The following SEC61A2 variants were observed in gnomAD, a reference collection of about 807,000 sequenced individuals.
SEC61A2 encodes the protein SEC61 translocon subunit alpha 2.
SEC61A2 carries 28 observed loss-of-function variants against 59.9 expected under a neutral mutation model. The observed-to-expected ratio is 0.47, with a 90% CI of 0.35 to 0.64. The LOEUF is 0.64. Ranked by LOEUF, SEC61A2 falls within the 30% of genes least tolerant of loss-of-function variation. The probability of loss-of-function intolerance (pLI) is 0.01; values close to 1 mark genes in which losing one functional copy is unlikely to be tolerated. For synonymous variants in SEC61A2, 202 were observed against 214.4 expected (o/e 0.94, Z 0.50); for missense variants, 340 against 585.9 (o/e 0.58, Z 4.33).
In SEC61A2 at chr10:12,133,245, AT is replaced by A; in HGVS notation, c.17del (p.Leu6Ter). On this transcript the variant is annotated frameshift_variant, in exon 2 of 12. Transcript: ENST00000298428. LOFTEE classifies it high-confidence loss of function. MGIKFLEVIKPFCAV... is the reference protein window; with the variant it reads MGIKXLEVIKPFCAV... ...TTATTATTTTTCTTTTTACAGTCAA[AT>A]TTTTAGAAGTTATCAAACCATTCTG... is the stretch of plus-strand genomic sequence containing the variant. 2 of 1,488,954 alleles carry A rather than the reference AT, an allele frequency of 1.3e-6. No homozygotes were observed. The highest frequency in any genetic ancestry group is 1.9e-6 in the Non-Finnish European group (2 of 1,077,244). 92.2% of individuals were successfully genotyped at this position (1,488,954 alleles called of 1,614,324 possible).
chr10:12,155,503 A>G lies in SEC61A2; in HGVS notation c.463-275A>G. 2 of 707,834 alleles carry G rather than the reference A, an allele frequency of 2.8e-6. No individual in the cohort carries two copies. 43.8% of individuals were successfully genotyped at this position (707,834 alleles called of 1,614,324 possible). A position where few individuals can be genotyped will look rare whatever the true frequency, so the allele number is the denominator to read the frequency against. The stretch of plus-strand genomic sequence containing the variant: ...CTTTTCAAACAGGCTTTATTTAAAC[A>G]TTGCAAAAGAAACTATTCAGATAAG... On this transcript the variant is annotated intron_variant, in intron 6 of 11. Coordinates refer to ENST00000298428, the MANE Select transcript of SEC61A2 (RefSeq NM_018144.4). The surrounding 1 kb of genome is among the most constrained non-coding windows in gnomAD (Gnocchi z 4.3).
At chr10:12,169,193 T>C (rs1332631169), downstream of SEC61A2, 23 of 1,082,726 alleles carry the variant, frequency 2.1e-5, no homozygotes, top group Non-Finnish European at 2.0e-5. This position sits in a 1 kb window ranked among gnomAD's most constrained non-coding sequence, Gnocchi z 4.8. Context: ...CCTCCTCCTT[T>C]ATAGCCATAG....
chr10:12,142,554 A>G lies in SEC61A2; in HGVS notation c.142-563A>G, dbSNP rs1834044299. On this transcript the variant is annotated intron_variant, in intron 3 of 11. Coordinates refer to ENST00000298428, the MANE Select transcript of SEC61A2 (RefSeq NM_018144.4). The surrounding 1 kb of genome is among the most constrained non-coding windows in gnomAD (Gnocchi z 5.4). The stretch of plus-strand genomic sequence containing the variant: ...ATATAGAGCTTTGCAAAATCATTCT[A>G]CGACCAGGCAGGTATAATATTCCAT... The G allele has an allele frequency of 1.0e-6, 1 of 975,332 alleles. No individual in the cohort carries two copies. The highest frequency in any genetic ancestry group is 1.8e-5 in the African/African-American group (1 of 56,974). The allele number at this position is 975,332 out of a possible 1,614,324, so 60.4% of individuals were successfully genotyped here. A position where few individuals can be genotyped will look rare whatever the true frequency, so the allele number is the denominator to read the frequency against.
Position 12,149,800 on chromosome 10 carries a change from T to C in SEC61A2, c.353-52T>C. On this transcript the variant is annotated intron_variant, in intron 5 of 11. Transcript: ENST00000298428. The surrounding 1 kb of genome is among the most constrained non-coding windows in gnomAD (Gnocchi z 5.2). ...GTGGTAAAGATGTTTTCTCTAGTCT[T>C]TTCTTGTCTTTGGTGGTAAGCGTGC... The C allele has an allele frequency of 6.2e-7, 1 of 1,607,426 alleles. No homozygotes were observed. Among genetic ancestry groups the C allele is most frequent in the Admixed American group, 1.7e-5 (1 of 59,066 alleles).
chr10:12,150,108 G>A lies in SEC61A2; in HGVS notation c.462+147G>A, dbSNP rs537098271. 125 of 611,112 alleles carry A rather than the reference G, an allele frequency of 2.0e-4. No individual in the cohort carries two copies. In the African/African-American group the frequency reaches 2.1e-3, roughly 10 times the overall value. The allele number at this position is 611,112 out of a possible 1,614,324, so 37.9% of individuals were successfully genotyped here. On this transcript the variant is annotated intron_variant, in intron 6 of 11. Coordinates refer to ENST00000298428, the MANE Select transcript of SEC61A2 (RefSeq NM_018144.4). ...TATTTTGATCACTGAAGTGATACGT[G>A]TAAAATTTTTTTAAAACCTTCTGTC...
downstream of SEC61A2, chr10:12,167,887 G>A (rs1358143795): frequency 4.8e-5 from 77 of 1,591,358 alleles, no homozygotes; most frequent in South Asian, 1.0e-4. Flanking sequence ...CAGTGTTTGC[G>A]CAGCAGGTAC....
At position 12,136,101 on chromosome 10, in the gene SEC61A2, A is replaced by T; in HGVS notation, c.76-4A>T. 1 of 1,599,608 alleles carries T rather than the reference A, an allele frequency of 6.3e-7. No homozygotes were observed. The highest frequency in any genetic ancestry group is 8.6e-7 in the Non-Finnish European group (1 of 1,166,996). On this transcript the variant is annotated splice_region_variant and splice_polypyrimidine_tract_variant and intron_variant, in intron 2 of 11. Transcript: ENST00000298428. ...TTGATGATTCTTTACATTTTGTTGT[A>T]CAGATCCAGTTTAGAGAGAAGGTTC...
At chr10:12,167,687 G>A, downstream of SEC61A2, 7 of 1,612,576 alleles carry the variant, frequency 4.3e-6, no homozygotes, top group South Asian at 7.7e-5. Flanking sequence ...AAAATGGCCA[G>A]TGTCATATTT....
At position 12,147,017 on chromosome 10, in the gene SEC61A2, T is replaced by C. The variant is rs140680885; in HGVS notation, c.221-2578T>C. On this transcript the variant is annotated intron_variant, in intron 4 of 11. Transcript: ENST00000298428. ...GTGATACTCCTGCCTTAGCCTCCCA[T>C]GTAGCTGGGACCACAACCGGGCACC... Among the ~76,000 whole-genome samples, 82 of 152,190 alleles carry C rather than the reference T, an allele frequency of 5.4e-4. 1 individual carries two copies. The East Asian group carries it at 0.013, about 25-fold the overall frequency.
intron 4 of SEC61A2, among the ~76,000 whole-genome samples, chr10:12,146,219 C>T (rs1211601479): frequency 6.6e-6 from 1 of 152,142 alleles, no homozygotes; most frequent in Admixed American, 6.6e-5. Context: ...TGGGGTTTCA[C>T]CATATTGGCC....
At chr10:12,168,439 T>C (rs1231079466), downstream of SEC61A2, among the ~76,000 whole-genome samples, 1 of 152,228 alleles carries the variant, frequency 6.6e-6, no homozygotes, top group Non-Finnish European at 1.5e-5. The surrounding 1 kb of genome is among the most constrained non-coding windows in gnomAD (Gnocchi z 4.8). Flanking sequence ...GTGATGATTA[T>C]GTAGGATCTT....
chr10:12,139,641 G>A lies in SEC61A2; in HGVS notation c.141+3471G>A, dbSNP rs1481599414. 4.6e-5 allele frequency among the ~76,000 whole-genome samples: 7 copies of A among 152,092 alleles called. No individual in the cohort carries two copies. In the East Asian group the frequency reaches 5.8e-4, roughly 13 times the overall value. Reference sequence around the variant, plus strand: ...CTACTAAAAATAGAAAAAATTAGGCGGGCGTGGTGGCGGGCGCCTGTAGTC... The same window carrying A: ...CTACTAAAAATAGAAAAAATTAGGCAGGCGTGGTGGCGGGCGCCTGTAGTC... On this transcript the variant is annotated intron_variant, in intron 3 of 11. Coordinates refer to ENST00000298428, the MANE Select transcript of SEC61A2 (RefSeq NM_018144.4).
chr10:12,157,181 A>C (rs1834418172), intron 8 of SEC61A2, 114 bp downstream of exon 8: 1 of 1,088,226 alleles, frequency 9.2e-7, no homozygotes, highest in Non-Finnish European at 1.3e-6. Context: ...GATCAAGGGA[A>C]ATAAAATTTT....
Position 12,164,557 on chromosome 10 carries a change from CTT to C in SEC61A2, c.*104_*105del. 6.6e-7 allele frequency: 1 copy of C among 1,506,376 alleles called. No individual in the cohort carries two copies. Among genetic ancestry groups the C allele is most frequent in the Non-Finnish European group, 8.8e-7 (1 of 1,132,954 alleles). 93.3% of individuals were successfully genotyped at this position (1,506,376 alleles called of 1,614,324 possible). ...CTCCCCTTTTCTCCCCTCACAGTTT[CTT>C]GTTTCGAGTGCTGACTGACCCGTTT... On this transcript the variant is annotated 3_prime_UTR_variant, in exon 12 of 12. Coordinates refer to ENST00000298428, the MANE Select transcript of SEC61A2 (RefSeq NM_018144.4). This position sits in a 1 kb window ranked among gnomAD's most constrained non-coding sequence, Gnocchi z 7.3.
At chr10:12,169,908 A>G, downstream of SEC61A2, 1 of 485,806 alleles carries the variant, frequency 2.1e-6, no homozygotes, top group Non-Finnish European at 3.7e-6. This position sits in a 1 kb window ranked among gnomAD's most constrained non-coding sequence, Gnocchi z 4.8. Context: ...TAGAAAAATC[A>G]GTTATCAATT....
downstream of SEC61A2, chr10:12,166,779 A>G (rs911719943): frequency 6.1e-6 from 3 of 488,998 alleles, no homozygotes; most frequent in Non-Finnish European, 8.4e-6. Context: ...AACTCACTCA[A>G]GAAGCTAAGA....
chr10:12,140,684 C>T (rs182903569), intron 3 of SEC61A2, among the ~76,000 whole-genome samples: 1 of 152,292 alleles, frequency 6.6e-6, no homozygotes, highest in East Asian at 1.9e-4. Context: ...CAACCTCCGC[C>T]TCCCGGATTC....
downstream of SEC61A2, chr10:12,169,887 C>A: frequency 2.1e-6 from 1 of 465,484 alleles, no homozygotes; most frequent in Non-Finnish European, 3.8e-6. This position sits in a 1 kb window ranked among gnomAD's most constrained non-coding sequence, Gnocchi z 4.8. Context: ...GAAGTAATCA[C>A]TTAAAAACAG....
intron 9 of SEC61A2, among the ~76,000 whole-genome samples, chr10:12,159,822 A>G (rs1217690474): frequency 1.4e-5 from 2 of 147,008 alleles, no homozygotes; most frequent in Non-Finnish European, 3.0e-5. Flanking sequence ...TATTCTGTGC[A>G]TTTGTCTTAA....
Sources: allele counts gnomAD v4.1 joint callset (sites outside exome capture counted in the v4.1 genomes callset), GRCh38; gene constraint gnomAD v4.1.1; non-coding constraint Gnocchi (gnomAD v3.1); transcripts MANE v1.5; gene names NCBI Gene and HGNC (gene_info 2026-07-23, HGNC 2026-07-21).